The following ADAMTS2 variants were observed in gnomAD, a reference collection of about 807,000 sequenced individuals.
ADAMTS2 encodes A disintegrin and metalloproteinase with thrombospondin motifs 2.
Under a neutral mutation model 123.0 loss-of-function variants are expected in ADAMTS2, and 50 were observed. That is an observed-to-expected ratio of 0.41 (90% CI 0.32 to 0.51). ADAMTS2 has a LOEUF of 0.51. ADAMTS2 is among the 20% of genes least tolerant of loss of function. ADAMTS2 has a pLI of 0.35. For missense variants in ADAMTS2, 1,494 were observed against 1,705.2 expected (o/e 0.88, Z 2.18); for synonymous variants, 678 against 695.4 (o/e 0.98, Z 0.39).
intron 10 of ADAMTS2, among the ~76,000 whole-genome samples, chr5:179,146,953 T>C (rs7727517): frequency 0.65 from 99,333 of 152,134 alleles, 32,644 homozygotes; most frequent in African/African-American, 0.72. Flanking sequence ...GTGAAAACAG[T>C]GCCTTCAGAC....
chr5:179,341,388 G>T (rs1757768697), intron 2 of ADAMTS2: 5 of 358,868 alleles, frequency 1.4e-5, no homozygotes, highest in South Asian at 6.4e-5. Flanking sequence ...AAAGAGAAGA[G>T]AAGAGAAAGA....
At chr5:179,302,424 G>T (rs1175985556) in intron 2 of ADAMTS2, among the ~76,000 whole-genome samples, 1 of 144,158 alleles carries the variant, frequency 6.9e-6, no homozygotes, top group African/African-American at 2.6e-5. Flanking sequence ...GAGTGATAAG[G>T]CCCCGGACAA....
chr5:179,175,652 C>T lies in ADAMTS2; in HGVS notation c.975+5420G>A, dbSNP rs1288505947. ...ACAATGGTCTGATATTTGGCCACAT[C>T]ACCAGACTCCTCTCCTAACTCTACA... On this transcript the variant is annotated intron_variant, in intron 5 of 21. Transcript: ENST00000251582. The surrounding 1 kb of genome is among the most constrained non-coding windows in gnomAD (Gnocchi z 4.1). 6.6e-6 allele frequency among the ~76,000 whole-genome samples: 1 copy of T among 152,238 alleles called. No homozygotes were observed. Among genetic ancestry groups the T allele is most frequent in the African/African-American group, 2.4e-5 (1 of 41,462 alleles).
chr5:179,212,043 G>A (rs1581193888), intron 3 of ADAMTS2, among the ~76,000 whole-genome samples: 2 of 152,224 alleles, frequency 1.3e-5, no homozygotes, highest in Admixed American at 1.3e-4. Flanking sequence ...CCACATGCCC[G>A]GAGCCCTTCT....
At chr5:179,229,058 C>T (rs747294496) in intron 3 of ADAMTS2, among the ~76,000 whole-genome samples, 2 of 152,270 alleles carry the variant, frequency 1.3e-5, no homozygotes, top group South Asian at 2.1e-4. Flanking sequence ...CTGTGCACCT[C>T]GGTCAGGCCA....
chr5:179,229,334 T>C (rs781505), intron 3 of ADAMTS2, among the ~76,000 whole-genome samples: 7,168 of 58,228 alleles, frequency 0.12, 893 homozygotes, highest in Non-Finnish European at 0.17. Flanking sequence ...TCCACAAACA[T>C]GAGACCCCGC....
chr5:179,256,234 G>C lies in ADAMTS2; in HGVS notation c.688+16677C>G, dbSNP rs948779952. Among the ~76,000 whole-genome samples the C allele has an allele frequency of 6.6e-6, 1 of 152,202 alleles. No homozygotes were observed. Among genetic ancestry groups the C allele is most frequent in the African/African-American group, 2.4e-5 (1 of 41,448 alleles). ...AGCCCACAGAACAGTAAGCCGCCAG[G>C]TCCCAAGTTGTCATCTTGTGACCCG... On this transcript the variant is annotated intron_variant, in intron 3 of 21. Transcript: ENST00000251582. The surrounding 1 kb of genome is among the most constrained non-coding windows in gnomAD (Gnocchi z 4.1).
At chr5:179,298,502 T>C (rs1046887969) in intron 2 of ADAMTS2, among the ~76,000 whole-genome samples, 1 of 152,164 alleles carries the variant, frequency 6.6e-6, no homozygotes, top group African/African-American at 2.4e-5. Context: ...CGATCTCACA[T>C]GTGAGACTCC....
chr5:179,179,490 A>C (rs1764000534), intron 5 of ADAMTS2, among the ~76,000 whole-genome samples: 1 of 152,220 alleles, frequency 6.6e-6, no homozygotes, highest in Non-Finnish European at 1.5e-5. Flanking sequence ...CAAGGGAAAC[A>C]GTGATATAAC....
chr5:179,220,759 T>A (rs1428825553), intron 3 of ADAMTS2, among the ~76,000 whole-genome samples: 1 of 152,208 alleles, frequency 6.6e-6, no homozygotes, highest in East Asian at 1.9e-4. Flanking sequence ...AGGCATTTCT[T>A]TACCTGCCAA....
chr5:179,195,251 C>T lies in ADAMTS2; in HGVS notation c.891+12262G>A, dbSNP rs577510958. Among the ~76,000 whole-genome samples, 5 of 152,324 alleles carry T rather than the reference C, an allele frequency of 3.3e-5. No homozygotes were observed. The South Asian group carries it at 6.2e-4, about 19-fold the overall frequency. On this transcript the variant is annotated intron_variant, in intron 4 of 21. Transcript: ENST00000251582. ...AATCCCAGCATGCTCCTCCCACACC[C>T]GTGCTCTACTGAGCACTTTCCTGGT...
chr5:179,329,147 G>GA (rs1757402414), intron 2 of ADAMTS2, among the ~76,000 whole-genome samples: 2 of 151,896 alleles, frequency 1.3e-5, no homozygotes, highest in East Asian at 3.9e-4. Flanking sequence ...CTAACACGGT[G>GA]AAACCCCGTC....
At position 179,114,104 on chromosome 5, in the gene ADAMTS2, C is replaced by A. The variant is rs775974436; in HGVS notation, c.3399G>T (p.Arg1133=). 41 of 1,613,898 alleles carry A rather than the reference C, an allele frequency of 2.5e-5. No individual in the cohort carries two copies. The highest frequency in any genetic ancestry group is 3.4e-5 in the Non-Finnish European group (40 of 1,180,012). The stretch of plus-strand genomic sequence containing the variant: ...CCTCCAGGGGGGTGCTTGGTGATGG[C>A]CGCACCTCCATGGCTACAGTGGGCA... The part of the protein sequence containing the change: ...LPVPTVAMEV[R]PSPSTPLEVP... Residue 1133 remains arginine, a synonymous_variant, in exon 22 of 22, where the codon CGG becomes CGT. Transcript: ENST00000251582.
intron 3 of ADAMTS2, among the ~76,000 whole-genome samples, chr5:179,251,745 C>G (rs1046638188): frequency 6.6e-6 from 1 of 152,070 alleles, no homozygotes. Flanking sequence ...AAATGGCCAT[C>G]GAGGAGAAGC....
In ADAMTS2 at chr5:179,115,561, A is replaced by T. The variant is rs574379552; in HGVS notation, c.3179-1237T>A. ...CCCCGACGTGCCCTCCTTTTCCCTC[A>T]CTCTCCTTAGTTGAACTCATCTACT... is the stretch of plus-strand genomic sequence containing the variant. On this transcript the variant is annotated intron_variant, in intron 21 of 21. Transcript: ENST00000251582. This position sits in a 1 kb window ranked among gnomAD's most constrained non-coding sequence, Gnocchi z 4.4. 6.7e-6 allele frequency among the ~76,000 whole-genome samples: 1 copy of T among 149,804 alleles called. No homozygotes were observed. The highest frequency in any genetic ancestry group is 2.0e-4 in the East Asian group (1 of 5,058).
At chr5:179,176,165 AC>A (rs1467409676) in intron 5 of ADAMTS2, among the ~76,000 whole-genome samples, 4 of 152,132 alleles carry the variant, frequency 2.6e-5, no homozygotes, top group Admixed American at 2.6e-4. Flanking sequence ...GCCTTTAAAT[AC>A]AATCTTGGTT....
intron 3 of ADAMTS2, among the ~76,000 whole-genome samples, chr5:179,246,912 C>T: frequency 6.6e-6 from 1 of 152,002 alleles, no homozygotes. Flanking sequence ...AACAACAAGC[C>T]CTGGGAAGTG....
At chr5:179,127,382 G>A (rs965911336) in intron 17 of ADAMTS2, among the ~76,000 whole-genome samples, 5 of 152,126 alleles carry the variant, frequency 3.3e-5, no homozygotes, top group Non-Finnish European at 5.9e-5. Flanking sequence ...GCATGGCATC[G>A]AGGGAGGACT....
chr5:179,204,230 C>G (rs1245849530), intron 4 of ADAMTS2, among the ~76,000 whole-genome samples: 1 of 152,174 alleles, frequency 6.6e-6, no homozygotes, highest in Non-Finnish European at 1.5e-5. Flanking sequence ...GGCACAGTTT[C>G]AATTTTACAA....
Sources: gnomAD v4.1 joint callset for allele counts (sites outside exome capture counted in the v4.1 genomes callset) on GRCh38, gnomAD v4.1.1 for gene constraint, Gnocchi (gnomAD v3.1) non-coding constraint, MANE v1.5 for transcripts, NCBI Gene and HGNC (gene_info 2026-07-23, HGNC 2026-07-21) for gene names.